The following AK6 variants were observed in gnomAD, a reference collection of about 807,000 sequenced individuals.
AK6 encodes the protein adenylate kinase isoenzyme 6.
A neutral mutation model predicts 23.7 loss-of-function variants in AK6; 24 were observed. The observed-to-expected ratio is 1.01, with a 90% confidence interval of 0.73 to 1.43. The LOEUF (loss-of-function observed/expected upper bound fraction) is 1.43. AK6 is among the 40% of genes most tolerant of loss of function. AK6 has a pLI of 0.00. For synonymous variants in AK6, 73 were observed against 69.8 expected (o/e 1.05, Z -0.23); for missense variants, 191 against 199.1 (o/e 0.96, Z 0.24).
chr5:69,364,166 C>A (rs1347422621), intron 2 of AK6, among the ~76,000 whole-genome samples: 1 of 151,272 alleles, frequency 6.6e-6, no homozygotes, highest in Non-Finnish European at 1.5e-5. Flanking sequence ...AAACTATAAC[C>A]TTGATAAATT....
At chr5:69,365,634 AC>A (rs748224721) in intron 2 of AK6, 3 of 1,613,802 alleles carry the variant, frequency 1.9e-6, no homozygotes, top group Non-Finnish European at 2.5e-6. Flanking sequence ...CTGATTTATA[AC>A]TCTTGGCTCA....
upstream of AK6, chr5:69,369,821 C>T (rs868812652): frequency 7.7e-5 from 80 of 1,043,756 alleles, no homozygotes; most frequent in Middle Eastern, 7.1e-3. Context: ...GGAGGCCGTA[C>T]CTCCGAGAGG....
rs754377861 is a variant in AK6 at position 69,355,661 on chromosome 5, CT to C, written c.313del (p.Arg105AspfsTer12). The stretch of plus-strand genomic sequence containing the variant: ...TTTCCTTTCTTACCTTGTTTCAAGT[CT>C]TTCGTACAATACATTGGTATCTGTT... ...LRTDTNVLYE[R>X]LETRGYNEKK... On this transcript the variant is annotated frameshift_variant, in exon 4 of 5. Coordinates refer to ENST00000380822, the MANE Select transcript of AK6 (RefSeq NM_016283.5). LOFTEE classifies it high-confidence loss of function. 1 of 1,604,140 alleles carries C rather than the reference CT, an allele frequency of 6.2e-7. No homozygotes were observed. The highest frequency in any genetic ancestry group is 8.5e-7 in the Non-Finnish European group (1 of 1,177,446).
chr5:69,355,582 C>A, intron 4 of AK6, 67 bp downstream of exon 4: 2 of 1,451,622 alleles, frequency 1.4e-6, no homozygotes, highest in Non-Finnish European at 9.3e-7. Context: ...TTTATCATGG[C>A]CAATTTCAGA....
chr5:69,363,443 G>T (rs1022934172), intron 2 of AK6, among the ~76,000 whole-genome samples: 7 of 152,206 alleles, frequency 4.6e-5, no homozygotes, highest in Admixed American at 4.6e-4. Context: ...GTCAAAAATG[G>T]TGGTGTTCAA....
chr5:69,355,504 C>T, intron 4 of AK6, 145 bp downstream of exon 4: 1 of 836,684 alleles, frequency 1.2e-6, no homozygotes, highest in Non-Finnish European at 1.8e-6. Context: ...GCCCTCCAGC[C>T]TGGGTGACAG....
chr5:69,361,944 G>A (rs78681696), intron 2 of AK6, among the ~76,000 whole-genome samples: 2,051 of 149,432 alleles, frequency 0.014, 65 homozygotes, highest in African/African-American at 0.048. Flanking sequence ...CACCACCCCC[G>A]GCCAGTTTTC....
chr5:69,354,545 C>T (rs577961103), intron 4 of AK6, among the ~76,000 whole-genome samples: 2 of 152,334 alleles, frequency 1.3e-5, no homozygotes, highest in African/African-American at 4.8e-5. Context: ...CATATTCCCA[C>T]AGCTTTGATC....
Position 69,355,706 on chromosome 5 carries a change from T to C in AK6, c.269A>G (p.His90Arg), listed in dbSNP as rs762709001. The stretch of plus-strand genomic sequence containing the variant: ...ATCTGTTCTCAGCACAAAAACTATA[T>C]GAAACCAGCGTTCAGGGAAGAAATC... ...GCDFFPERWF[H>R]IVFVLRTDTN... Residue 90 changes from histidine to arginine, a missense_variant, in exon 4 of 5, where the codon CAT becomes CGT. By Grantham distance (29) the His-to-Arg change is conservative. Transcript: ENST00000380822. 4.3e-5 allele frequency: 69 copies of C among 1,613,886 alleles called. No individual in the cohort carries two copies. Among genetic ancestry groups the C allele is most frequent in the Non-Finnish European group, 5.6e-5 (66 of 1,179,992 alleles).
chr5:69,360,235 C>T lies in AK6; in HGVS notation c.122-4282G>A, dbSNP rs533184008. Reference sequence around the variant, plus strand: ...AGAAAGAGATACTGAAGAAGTCAAACAGGAGATTCTAGGTAGGATTCTAGG... The same window carrying T: ...AGAAAGAGATACTGAAGAAGTCAAATAGGAGATTCTAGGTAGGATTCTAGG... On this transcript the variant is annotated intron_variant, in intron 2 of 4. Coordinates refer to ENST00000380822, the MANE Select transcript of AK6 (RefSeq NM_016283.5). 1.2e-3 allele frequency among the ~76,000 whole-genome samples: 184 copies of T among 152,224 alleles called. 1 individual carries two copies. The highest frequency in any genetic ancestry group is 4.4e-3 in the African/African-American group (181 of 41,548).
At chr5:69,366,699 G>A (rs994926775) in intron 1 of AK6, 104 bp from the exon 2 acceptor site, 5 of 805,616 alleles carry the variant, frequency 6.2e-6, no homozygotes, top group African/African-American at 5.2e-5. Flanking sequence ...GTCTCACCTG[G>A]CCTCTGCCCT....
At chr5:69,356,613 C>T (rs1432620255) in intron 2 of AK6, among the ~76,000 whole-genome samples, 5 of 151,942 alleles carry the variant, frequency 3.3e-5, no homozygotes, top group East Asian at 3.9e-4. Context: ...ATCACACCAC[C>T]GTACTCCAGG....
intron 2 of AK6, chr5:69,365,342 T>C (rs1210651484): frequency 6.2e-7 from 1 of 1,614,078 alleles, no homozygotes; most frequent in African/African-American, 1.3e-5. Context: ...CCTTTTTCTG[T>C]AAAGATTTCA....
At chr5:69,360,566 ATGAG>A (rs1407529340) in intron 2 of AK6, among the ~76,000 whole-genome samples, 4 of 152,156 alleles carry the variant, frequency 2.6e-5, no homozygotes, top group African/African-American at 9.7e-5. Context: ...ATAGTCCTGA[ATGAG>A]TGAGATTACT....
At chr5:69,354,359 T>C (rs983279386) in intron 4 of AK6, among the ~76,000 whole-genome samples, 1 of 152,238 alleles carries the variant, frequency 6.6e-6, no homozygotes, top group Non-Finnish European at 1.5e-5. Context: ...TTTAACTTTT[T>C]CTATATGTAT....
intron 2 of AK6, among the ~76,000 whole-genome samples, chr5:69,362,683 G>T (rs1762272965): frequency 6.6e-6 from 1 of 151,928 alleles, no homozygotes; most frequent in South Asian, 2.1e-4. Context: ...GGAGGCTGGG[G>T]TTGCAGTGAG....
chr5:69,364,956 T>C (rs768657666), intron 2 of AK6: 14 of 1,611,026 alleles, frequency 8.7e-6, no homozygotes, highest in African/African-American at 2.7e-5. Context: ...CAGATTATCA[T>C]AGTCATCATC....
intron 2 of AK6, 51 bp downstream of exon 2, chr5:69,366,452 C>A: frequency 6.8e-7 from 1 of 1,465,896 alleles, no homozygotes; most frequent in Non-Finnish European, 9.5e-7. Context: ...ACTCCACTTA[C>A]CAGACCTTAA....
At chr5:69,353,618 G>A (rs545218680) in intron 4 of AK6, among the ~76,000 whole-genome samples, 18 of 152,164 alleles carry the variant, frequency 1.2e-4, no homozygotes, top group African/African-American at 3.9e-4. Flanking sequence ...AAAATTGTTT[G>A]TGGTAATGAT....
Sources: gnomAD v4.1 joint callset for allele counts (sites outside exome capture counted in the v4.1 genomes callset) on GRCh38, gnomAD v4.1.1 for gene constraint, MANE v1.5 for transcripts, NCBI Gene and HGNC (gene_info 2026-07-23, HGNC 2026-07-21) for gene names.